RAB30: variants seen among roughly 807,000 people sequenced by gnomAD.
The protein encoded by RAB30 is RAB30, member RAS oncogene family.
In RAB30, 9 loss-of-function variants were observed where a neutral mutation model predicts 25.1. That is an observed-to-expected ratio of 0.36 (90% CI 0.22 to 0.63). The LOEUF (loss-of-function observed/expected upper bound fraction) is 0.63. RAB30 is among the 20% of genes least tolerant of loss of function. The probability of loss-of-function intolerance (pLI) is 0.69; values close to 1 mark genes in which losing one functional copy is unlikely to be tolerated. For missense variants in RAB30, 140 were observed against 243.5 expected (o/e 0.58, Z 2.83); for synonymous variants, 77 against 86.4 (o/e 0.89, Z 0.60).
intron 1 of RAB30, among the ~76,000 whole-genome samples, chr11:83,015,281 G>T (rs1857411888): frequency 6.6e-6 from 1 of 152,190 alleles, no homozygotes; most frequent in Admixed American, 6.5e-5. Flanking sequence ...TTGGACCAGG[G>T]TGCTGGTAGT....
chr11:82,990,560 G>A (rs1383371964), intron 3 of RAB30, among the ~76,000 whole-genome samples: 1 of 152,202 alleles, frequency 6.6e-6, no homozygotes, highest in Non-Finnish European at 1.5e-5. Flanking sequence ...ACAGATGGTT[G>A]AAGAAACAAA....
At chr11:83,047,602 A>C (rs1858260734) in intron 1 of RAB30, among the ~76,000 whole-genome samples, 1 of 152,244 alleles carries the variant, frequency 6.6e-6, no homozygotes, top group African/African-American at 2.4e-5. Context: ...TAGAAGATAG[A>C]GCAAGGTAAA....
At chr11:82,984,531 C>T (rs1483791535) in intron 4 of RAB30, among the ~76,000 whole-genome samples, 2 of 152,188 alleles carry the variant, frequency 1.3e-5, no homozygotes, top group Non-Finnish European at 1.5e-5. Flanking sequence ...GTCCTGTGTC[C>T]TTCTAAGTGA....
Position 82,994,087 on chromosome 11 carries a change from T to C in RAB30, c.129A>G (p.Gly43=). 1.2e-6 allele frequency: 2 copies of C among 1,611,804 alleles called. No individual in the cohort carries two copies. The highest frequency in any genetic ancestry group is 1.7e-6 in the Non-Finnish European group (2 of 1,178,026). Residue 43 remains glycine (G), a synonymous_variant, in exon 3 of 5, where the codon GGA becomes GGG. Transcript: ENST00000527633. Reference sequence around the variant, plus strand: ...CCACTGTCTTAATCATAAAATCAACTCCAATTGTGGCTCCTTGACCTGGGG... The same window carrying C: ...CCACTGTCTTAATCATAAAATCAACCCCAATTGTGGCTCCTTGACCTGGGG... ...LFPPGQGATI[G]VDFMIKTVEI...
At chr11:83,056,602 T>C (rs1858463927) in intron 1 of RAB30, among the ~76,000 whole-genome samples, 1 of 152,162 alleles carries the variant, frequency 6.6e-6, no homozygotes, top group Non-Finnish European at 1.5e-5. Flanking sequence ...TTCAAGATTA[T>C]AAGGTGAAAA....
chr11:83,014,621 G>C (rs12792078), intron 1 of RAB30, among the ~76,000 whole-genome samples: 194 of 79,100 alleles, frequency 2.5e-3, no homozygotes, highest in Admixed American at 4.5e-3. Context: ...GACAAAGAAA[G>C]AAAGAAGTAA....
At chr11:83,066,651 A>C (rs1445102350) in intron 1 of RAB30, among the ~76,000 whole-genome samples, 3 of 152,216 alleles carry the variant, frequency 2.0e-5, no homozygotes, top group Non-Finnish European at 4.4e-5. Context: ...CCTGGGTTGA[A>C]GTGATTCTCC....
chr11:83,000,888 A>T (rs1009180159), intron 1 of RAB30, among the ~76,000 whole-genome samples: 1 of 146,388 alleles, frequency 6.8e-6, no homozygotes, highest in African/African-American at 2.6e-5. Flanking sequence ...AAAAAAAAAA[A>T]TACAAAAAAT....
intron 1 of RAB30, among the ~76,000 whole-genome samples, chr11:83,031,333 G>A (rs1314646565): frequency 2.0e-5 from 3 of 152,006 alleles, no homozygotes; most frequent in African/African-American, 4.8e-5. Context: ...GACTTGTTGC[G>A]GAAGCCAAGT....
At chr11:83,039,064 C>T (rs1367885488) in intron 1 of RAB30, 3 of 151,878 alleles carry the variant, frequency 2.0e-5, no homozygotes, top group African/African-American at 4.8e-5. Flanking sequence ...AAACAAACTT[C>T]GACAAAGTTG....
At chr11:82,996,640 T>A (rs989215326) in intron 2 of RAB30, among the ~76,000 whole-genome samples, 23 of 152,160 alleles carry the variant, frequency 1.5e-4, no homozygotes, top group African/African-American at 5.3e-4. Context: ...TGTACTTAGA[T>A]CATATGATAA....
At chr11:83,019,452 G>A (rs963109756) in intron 1 of RAB30, among the ~76,000 whole-genome samples, 8 of 152,160 alleles carry the variant, frequency 5.3e-5, no homozygotes, top group Non-Finnish European at 8.8e-5. Context: ...AAGTGGCTAG[G>A]AAGTGGCCTC....
At chr11:83,047,251 G>T (rs763606674) in intron 1 of RAB30, among the ~76,000 whole-genome samples, 1 of 152,084 alleles carries the variant, frequency 6.6e-6, no homozygotes, top group African/African-American at 2.4e-5. Flanking sequence ...ACCTGGAAAG[G>T]CCTGGAGCTC....
At chr11:83,028,429 A>G (rs1235944993) in intron 1 of RAB30, among the ~76,000 whole-genome samples, 2 of 152,170 alleles carry the variant, frequency 1.3e-5, no homozygotes, top group South Asian at 4.1e-4. Flanking sequence ...AATATATTCA[A>G]TAAAATTTCA....
At chr11:82,991,780 G>C (rs982214579) in intron 3 of RAB30, among the ~76,000 whole-genome samples, 6 of 152,218 alleles carry the variant, frequency 3.9e-5, no homozygotes, top group African/African-American at 1.2e-4. Flanking sequence ...ACTGGGGATA[G>C]AAAGTGTGCT....
At chr11:83,017,837 CAT>C (rs1365320520) in intron 1 of RAB30, among the ~76,000 whole-genome samples, 5 of 152,142 alleles carry the variant, frequency 3.3e-5, no homozygotes, top group African/African-American at 4.8e-5. Flanking sequence ...CTGCTATAAA[CAT>C]GTGTGTGCAA....
At chr11:83,020,003 AG>A (rs1565279165) in intron 1 of RAB30, among the ~76,000 whole-genome samples, 1 of 152,246 alleles carries the variant, frequency 6.6e-6, no homozygotes, top group East Asian at 1.9e-4. Context: ...AGGCGTGGCC[AG>A]GACTGCATGT....
chr11:82,998,556 A>AAG (rs66501853), intron 1 of RAB30, among the ~76,000 whole-genome samples: 2 of 151,588 alleles, frequency 1.3e-5, no homozygotes, highest in African/African-American at 4.9e-5. Context: ...TAAAAAAAAA[A>AAG]AAAAAAAACC....
intron 4 of RAB30, among the ~76,000 whole-genome samples, chr11:82,983,742 G>C (rs939529186): frequency 6.6e-6 from 1 of 151,854 alleles, no homozygotes; most frequent in Non-Finnish European, 1.5e-5. Context: ...GGCCAACAGA[G>C]TAACTATTTC....
Sources: allele counts gnomAD v4.1 joint callset (sites outside exome capture counted in the v4.1 genomes callset), GRCh38; gene constraint gnomAD v4.1.1; transcripts MANE v1.5; gene names NCBI Gene and HGNC (gene_info 2026-07-23, HGNC 2026-07-21).